The following FLI1 variants were observed in gnomAD, a reference collection of about 807,000 sequenced individuals.
FLI1 encodes Friend leukemia integration 1 transcription factor.
A neutral mutation model predicts 53.1 loss-of-function variants in FLI1; 13 were observed. The ratio of observed to expected loss-of-function variants is 0.24; its 90% confidence interval spans 0.16 to 0.39. The LOEUF is 0.39. FLI1 is among the 10% of genes least tolerant of loss of function. The probability of loss-of-function intolerance (pLI) is 1.00; values close to 1 mark genes in which losing one functional copy is unlikely to be tolerated. For missense variants in FLI1, 424 were observed against 600.5 expected, an observed-to-expected ratio of 0.71 and a Z score of 3.07; for synonymous variants, 244 against 236.7, an observed-to-expected ratio of 1.03 and a Z score of -0.28.
intron 1 of FLI1, among the ~76,000 whole-genome samples, chr11:128,744,103 A>G (rs1471438426): frequency 6.6e-6 from 1 of 152,218 alleles, no homozygotes; most frequent in Non-Finnish European, 1.5e-5. Flanking sequence ...TCCCTTTAGA[A>G]GGGAGAGCAA....
At chr11:128,806,026 C>G (rs966719619) in intron 6 of FLI1, 3 of 151,892 alleles carry the variant, frequency 2.0e-5, no homozygotes, top group Admixed American at 2.0e-4. Context: ...GAATAAGGGG[C>G]AAGAATGACT....
chr11:128,744,630 G>GTAC (rs1940296120), intron 1 of FLI1, among the ~76,000 whole-genome samples: 1 of 152,202 alleles, frequency 6.6e-6, no homozygotes, highest in Non-Finnish European at 1.5e-5. Context: ...ATGACAGACT[G>GTAC]TACCTCTCAC....
intron 1 of FLI1, among the ~76,000 whole-genome samples, chr11:128,738,264 A>G (rs533206426): frequency 1.3e-5 from 2 of 152,324 alleles, no homozygotes; most frequent in Admixed American, 1.3e-4. Context: ...CTCTGGCTCC[A>G]TGCTGTTTCT....
chr11:128,781,188 G>A (rs141626673), intron 4 of FLI1, among the ~76,000 whole-genome samples: 78 of 152,308 alleles, frequency 5.1e-4, no homozygotes, highest in Non-Finnish European at 8.5e-4. Context: ...CTTAGACATA[G>A]GTGAAGGGAA....
In FLI1 at chr11:128,742,833, C is replaced by T. The variant is rs79356839; in HGVS notation, c.19-15282C>T. ...GACGAGTATGCATTTGTTGGTTTTA[C>T]GTGGAATCGTCAGCACATTTTACAG... On this transcript the variant is annotated intron_variant, in intron 1 of 8. Coordinates refer to ENST00000527786, the MANE Select transcript of FLI1 (RefSeq NM_002017.5). 1.5e-3 allele frequency among the ~76,000 whole-genome samples: 221 copies of T among 152,274 alleles called. 5 individuals carry two copies. In the East Asian group the frequency reaches 0.034, roughly 24 times the overall value.
intron 1 of FLI1, chr11:128,748,137 G>A (rs1322972017): frequency 3.0e-6 from 1 of 337,768 alleles, no homozygotes; most frequent in African/African-American, 2.2e-5. Flanking sequence ...AGGATGCAGA[G>A]ATCCTCTTCT....
Position 128,810,512 on chromosome 11 carries a change from G to T in FLI1, c.883G>T (p.Ala295Ser), listed in dbSNP as rs555150627. The change falls in exon 9 of 9, where the codon GCC becomes TCC. Residue 295 changes from alanine to serine, a missense_variant. Ala to Ser is a moderately conservative substitution (Grantham distance 99). This residue lies in a region of FLI1 where 71 missense variants were observed against 174.2 expected (regional missense o/e 0.41). Coordinates refer to ENST00000527786, the MANE Select transcript of FLI1 (RefSeq NM_002017.5). This position sits in a 1 kb window ranked among gnomAD's most constrained non-coding sequence, Gnocchi z 6.6. ...CCTCCTGGAGCTGCTCTCCGACAGC[G>T]CCAACGCCAGCTGTATCACCTGGGA... ...QFLLELLSDS[A>S]NASCITWEGT... is the part of the protein sequence containing the mutation. The T allele has an allele frequency of 1.3e-5, 21 of 1,607,598 alleles. No homozygotes were observed. In the African/African-American group the frequency reaches 2.4e-4, roughly 18 times the overall value.
At chr11:128,695,187 G>T (rs1423626738) in intron 1 of FLI1, among the ~76,000 whole-genome samples, 2 of 152,252 alleles carry the variant, frequency 1.3e-5, no homozygotes, top group Non-Finnish European at 2.9e-5. Context: ...CTGGGTCTAG[G>T]TTGCAAAGTG....
At chr11:128,745,689 C>T (rs573466507) in intron 1 of FLI1, among the ~76,000 whole-genome samples, 12 of 152,228 alleles carry the variant, frequency 7.9e-5, no homozygotes, top group Non-Finnish European at 1.6e-4. Flanking sequence ...ATCTGTGCGT[C>T]GAGTTGAAGC....
intron 1 of FLI1, among the ~76,000 whole-genome samples, chr11:128,700,293 T>C (rs1039673354): frequency 6.6e-6 from 1 of 152,158 alleles, no homozygotes; most frequent in Non-Finnish European, 1.5e-5. Context: ...AGGAGTGAGG[T>C]AACTTGCCCA....
intron 5 of FLI1, among the ~76,000 whole-genome samples, chr11:128,790,593 G>A (rs1038531102): frequency 2.6e-5 from 4 of 152,170 alleles, no homozygotes; most frequent in African/African-American, 7.2e-5. Flanking sequence ...TATTGCACAC[G>A]TGTGGCTCAC....
rs371579806 is a variant in FLI1, at chr11:128,768,296, G to T, written c.385+24G>T. 9.5e-4 allele frequency: 1,516 copies of T among 1,597,484 alleles called. 1 individual carries two copies. The highest frequency in any genetic ancestry group is 1.3e-3 in the South Asian group (118 of 90,160). On this transcript the variant is annotated intron_variant, in intron 3 of 8. Transcript: ENST00000527786. Reference sequence around the variant, plus strand: ...AGGTAATTCGAGAACCAGGCTGCCTGGGCGCCATTCACTTCCCCACTCTCT... The same window carrying T: ...AGGTAATTCGAGAACCAGGCTGCCTTGGCGCCATTCACTTCCCCACTCTCT...
At chr11:128,745,179 T>A (rs1366785066) in intron 1 of FLI1, among the ~76,000 whole-genome samples, 1 of 151,794 alleles carries the variant, frequency 6.6e-6, no homozygotes, top group African/African-American at 2.4e-5. Flanking sequence ...CTATTTGAAA[T>A]AGGACCTTAA....
chr11:128,725,653 T>C (rs1485951179), intron 1 of FLI1, among the ~76,000 whole-genome samples: 5 of 151,966 alleles, frequency 3.3e-5, no homozygotes, highest in Non-Finnish European at 7.4e-5. Flanking sequence ...TCTCCCTCTC[T>C]CTCTCTCTCT....
intron 5 of FLI1, among the ~76,000 whole-genome samples, chr11:128,782,275 T>C (rs1941939580): frequency 6.6e-6 from 1 of 152,256 alleles, no homozygotes; most frequent in South Asian, 2.1e-4. Context: ...GAAAACATGT[T>C]ACTTTTAGAA....
At chr11:128,788,985 A>T (rs1035215273) in intron 5 of FLI1, among the ~76,000 whole-genome samples, 1 of 152,186 alleles carries the variant, frequency 6.6e-6, no homozygotes, top group Non-Finnish European at 1.5e-5. Context: ...CAATGCACGT[A>T]TATTACCACG....
At chr11:128,696,227 G>A (rs183593642) in intron 1 of FLI1, among the ~76,000 whole-genome samples, 66 of 152,312 alleles carry the variant, frequency 4.3e-4, no homozygotes, top group Admixed American at 2.3e-3. Flanking sequence ...CTCCCTGTGA[G>A]CAACCTGTCA....
intron 5 of FLI1, chr11:128,804,681 C>T (rs3758767): frequency 0.15 from 23,158 of 152,032 alleles, 2,075 homozygotes; most frequent in African/African-American, 0.25. Context: ...CCAGCCCTCT[C>T]CACTATCAAT....
chr11:128,777,394 G>A (rs1941767691), intron 4 of FLI1, among the ~76,000 whole-genome samples: 1 of 152,130 alleles, frequency 6.6e-6, no homozygotes, highest in African/African-American at 2.4e-5. Context: ...TCAAAAGAAT[G>A]AAACTGCGCG....
Sources: allele counts gnomAD v4.1 joint callset (sites outside exome capture counted in the v4.1 genomes callset), GRCh38; gene constraint gnomAD v4.1.1; regional missense constraint gnomAD v4.1.1; non-coding constraint Gnocchi (gnomAD v3.1); transcripts MANE v1.5; gene names NCBI Gene and HGNC (gene_info 2026-07-23, HGNC 2026-07-21).